The following GRIA3 variants were observed in gnomAD, a reference collection of about 807,000 sequenced individuals.
The protein encoded by GRIA3 is glutamate receptor 3.
Under a neutral mutation model 63.0 loss-of-function variants are expected in GRIA3, and 3 were observed. The observed-to-expected ratio is 0.05, with a 90% CI of 0.02 to 0.12. The LOEUF (loss-of-function observed/expected upper bound fraction) is 0.12, where lower values mean the gene tolerates loss of function less well. Among genes scored for constraint, GRIA3 ranks in the 10% least tolerant of loss-of-function variants. The pLI is 1.00. For missense variants in GRIA3, 347 were observed against 700.9 expected (o/e 0.50, Z 5.70); for synonymous variants, 274 against 257.9 (o/e 1.06, Z -0.60).
At chrX:123,417,130 C>T (rs953407284) in intron 10 of GRIA3, among the ~76,000 whole-genome samples, 1 of 112,124 alleles carries the variant, frequency 8.9e-6, no homozygotes, top group Non-Finnish European at 1.9e-5. Flanking sequence ...CAAAAACACA[C>T]TATTAGGAAA....
intron 3 of GRIA3, among the ~76,000 whole-genome samples, chrX:123,286,130 G>GGAAACTGAACA (rs2044618162): frequency 9.3e-6 from 1 of 107,833 alleles, no homozygotes; most frequent in African/African-American, 3.3e-5. Context: ...AAAACTGCGC[G>GGAAACTGAACA]ACTACCTGGA....
chrX:123,367,432 TG>T (rs2045217617), intron 5 of GRIA3, among the ~76,000 whole-genome samples: 1 of 106,938 alleles, frequency 9.4e-6, no homozygotes, highest in Non-Finnish European at 2.0e-5. Context: ...TTTTGTTTTT[TG>T]TTTTTTGTTT....
intron 5 of GRIA3, among the ~76,000 whole-genome samples, chrX:123,381,036 G>T (rs1214020070): frequency 9.0e-6 from 1 of 111,726 alleles, no homozygotes; most frequent in African/African-American, 3.3e-5. Flanking sequence ...TGAAATAGAT[G>T]TAAGAGGTTG....
chrX:123,482,780 CG>C lies in GRIA3; in HGVS notation c.2440-18del. The C allele has an allele frequency of 8.3e-7, 1 of 1,208,817 alleles. No homozygotes were observed. The highest frequency in any genetic ancestry group is 1.1e-6 in the Non-Finnish European group (1 of 892,743). On this transcript the variant is annotated intron_variant, in intron 14 of 15. Transcript: ENST00000620443. Reference sequence around the variant, plus strand: ...CTTTGTTTTCCCCAAGATCTAATCACGTTGTTCATTTCTCTTAGGACAAGAC... The same window carrying C: ...CTTTGTTTTCCCCAAGATCTAATCACTTGTTCATTTCTCTTAGGACAAGAC...
intron 3 of GRIA3, among the ~76,000 whole-genome samples, chrX:123,315,017 T>C (rs1298519449): frequency 8.9e-6 from 1 of 111,761 alleles, no homozygotes; most frequent in Non-Finnish European, 1.9e-5. Context: ...CAGTCTAGTA[T>C]AAGAGTTTCG....
intron 5 of GRIA3, among the ~76,000 whole-genome samples, chrX:123,359,346 T>C (rs1348770444): frequency 9.0e-6 from 1 of 111,335 alleles, no homozygotes; most frequent in Non-Finnish European, 1.9e-5. Context: ...TCCACCTCTA[T>C]GGCAAAAAAT....
At chrX:123,461,764 A>G (rs1366318069) in intron 12 of GRIA3, among the ~76,000 whole-genome samples, 1 of 111,479 alleles carries the variant, frequency 9.0e-6, no homozygotes, top group South Asian at 3.8e-4. Flanking sequence ...AAGATAGTCT[A>G]GACAAAACAA....
At chrX:123,355,916 G>A (rs996974506) in intron 5 of GRIA3, among the ~76,000 whole-genome samples, 2 of 111,287 alleles carry the variant, frequency 1.8e-5, no homozygotes, top group African/African-American at 6.5e-5. Flanking sequence ...CTTTCTTAGG[G>A]GTATGTGCAT....
chrX:123,202,131 T>G (rs1431351576), intron 2 of GRIA3, among the ~76,000 whole-genome samples: 1 of 112,635 alleles, frequency 8.9e-6, no homozygotes, highest in Non-Finnish European at 1.9e-5. Context: ...TATGCTGGCA[T>G]GCATACAGCC....
chrX:123,249,664 G>T (rs1189541898), intron 2 of GRIA3, among the ~76,000 whole-genome samples: 1 of 111,500 alleles, frequency 9.0e-6, no homozygotes, highest in Non-Finnish European at 1.9e-5. Context: ...AATGTTTCCT[G>T]ATTTTCACCT....
At chrX:123,323,510 T>G (rs183644032) in intron 3 of GRIA3, among the ~76,000 whole-genome samples, 60 of 112,297 alleles carry the variant, frequency 5.3e-4, no homozygotes, top group Non-Finnish European at 9.4e-5. Flanking sequence ...ACCATGAACT[T>G]AAATCTACTC....
intron 3 of GRIA3, among the ~76,000 whole-genome samples, chrX:123,321,782 G>A (rs928629623): frequency 1.8e-5 from 2 of 112,049 alleles, no homozygotes; most frequent in African/African-American, 6.5e-5. Context: ...CATGCAAGAA[G>A]TTTATTGGCT....
At chrX:123,381,497 A>G (rs375350850) in intron 5 of GRIA3, among the ~76,000 whole-genome samples, 1 of 112,043 alleles carries the variant, frequency 8.9e-6, no homozygotes, top group Non-Finnish European at 1.9e-5. Flanking sequence ...AAATTCATCA[A>G]AGATTATTAT....
intron 4 of GRIA3, among the ~76,000 whole-genome samples, chrX:123,343,484 T>C (rs1458880650): frequency 9.0e-6 from 1 of 111,443 alleles, no homozygotes; most frequent in East Asian, 2.8e-4. Flanking sequence ...TACTGTTTCA[T>C]AGGCAATCTG....
At chrX:123,451,505 T>TAAAAAAAAAAAAAAAAAAA (rs56991039) in intron 12 of GRIA3, among the ~76,000 whole-genome samples, 1 of 16,183 alleles carries the variant, frequency 6.2e-5, no homozygotes, top group African/African-American at 2.0e-4. Context: ...ACTCTGTCTC[T>TAAAAAAAAAAAAAAAAAAA]AAAAAAAAAA....
chrX:123,429,759 G>C (rs2045608100), intron 12 of GRIA3, among the ~76,000 whole-genome samples: 1 of 112,090 alleles, frequency 8.9e-6, no homozygotes, highest in African/African-American at 3.2e-5. Flanking sequence ...TCTATATGAA[G>C]TAATTAACCA....
intron 4 of GRIA3, among the ~76,000 whole-genome samples, chrX:123,353,867 T>C (rs1004396754): frequency 8.9e-6 from 1 of 111,740 alleles, no homozygotes; most frequent in African/African-American, 3.3e-5. Flanking sequence ...CAGTCAGTAC[T>C]CAATAAAAAT....
intron 7 of GRIA3, among the ~76,000 whole-genome samples, chrX:123,399,065 G>T (rs1013631919): frequency 6.4e-5 from 7 of 109,828 alleles, no homozygotes; most frequent in Non-Finnish European, 1.3e-4. Context: ...ACTATACTAT[G>T]GCTAGTAAAT....
At chrX:123,420,210 T>C (rs1029406237) in intron 11 of GRIA3, among the ~76,000 whole-genome samples, 3 of 112,102 alleles carry the variant, frequency 2.7e-5, no homozygotes, top group African/African-American at 9.7e-5. Context: ...AGTCCTACCA[T>C]GTTTTTACAG....
Sources: allele counts gnomAD v4.1 joint callset (sites outside exome capture counted in the v4.1 genomes callset), GRCh38; gene constraint gnomAD v4.1.1; transcripts MANE v1.5; gene names NCBI Gene and HGNC (gene_info 2026-07-23, HGNC 2026-07-21).